MAMDC2: variants seen among roughly 807,000 people sequenced by gnomAD.
MAMDC2 encodes the protein MAM domain-containing protein 2.
A neutral mutation model predicts 89.8 loss-of-function variants in MAMDC2; 57 were observed. The ratio of observed to expected loss-of-function variants is 0.63; its 90% CI spans 0.51 to 0.79. MAMDC2 has a LOEUF of 0.79. Ranked by LOEUF, MAMDC2 falls within the 30% of genes least tolerant of loss-of-function variation. MAMDC2 has a pLI of 0.00. For missense variants in MAMDC2, 800 were observed against 820.6 expected (o/e 0.97, Z 0.31); for synonymous variants, 313 against 293.4 (o/e 1.07, Z -0.68).
At chr9:70,176,450 G>A (rs1224352586) in intron 11 of MAMDC2, among the ~76,000 whole-genome samples, 1 of 152,154 alleles carries the variant, frequency 6.6e-6, no homozygotes, top group African/African-American at 2.4e-5. Context: ...TAGAGTGCAT[G>A]TTATTATATG....
At chr9:70,158,975 T>C (rs1207466355) in intron 9 of MAMDC2, among the ~76,000 whole-genome samples, 1 of 151,964 alleles carries the variant, frequency 6.6e-6, no homozygotes, top group Non-Finnish European at 1.5e-5. Flanking sequence ...CAGTCCATCA[T>C]TGACTGGAAT....
At chr9:70,167,395 A>G (rs1048561057) in intron 9 of MAMDC2, among the ~76,000 whole-genome samples, 10 of 152,344 alleles carry the variant, frequency 6.6e-5, no homozygotes, top group African/African-American at 2.4e-4. Context: ...ATCATCAAAA[A>G]GCAAAAGAAC....
At position 70,100,021 on chromosome 9, in the gene MAMDC2, A is replaced by AGAGAGAGAGAGC. The variant is rs1316783544; in HGVS notation, c.149-8187_149-8186insAGAGAGAGCGAG. Among the ~76,000 whole-genome samples the AGAGAGAGAGAGC allele has an allele frequency of 1.6e-4, 23 of 144,520 alleles. No individual in the cohort carries two copies. In the East Asian group the frequency reaches 1.9e-3, roughly 12 times the overall value. 94.8% of individuals were successfully genotyped at this position (144,520 alleles called of 152,430 possible). A position where few individuals can be genotyped will look rare whatever the true frequency, so the allele number is the denominator to read the frequency against. ...GAGAGAGAGAGAGAGAGAGAGAGAG[A>AGAGAGAGAGAGC]GAGCACAAGCACAATGGGCAGCAGG... On this transcript the variant is annotated intron_variant, in intron 2 of 13. Transcript: ENST00000377182.
chr9:70,091,660 G>C (rs1041579324), intron 2 of MAMDC2, among the ~76,000 whole-genome samples: 22 of 152,206 alleles, frequency 1.4e-4, no homozygotes, highest in Admixed American at 6.5e-5. Context: ...CTCTGAGCCA[G>C]ACCTTCCTGA....
chr9:70,093,107 A>T (rs939487897), intron 2 of MAMDC2, among the ~76,000 whole-genome samples: 1 of 152,142 alleles, frequency 6.6e-6, no homozygotes, highest in African/African-American at 2.4e-5. Context: ...TTATTTATGT[A>T]TCTGTACTAT....
chr9:70,072,310 G>C (rs556611179), intron 2 of MAMDC2, among the ~76,000 whole-genome samples: 3 of 152,178 alleles, frequency 2.0e-5, no homozygotes, highest in African/African-American at 7.2e-5. Context: ...CAGTCCCACT[G>C]TGGGGTGACT....
chr9:70,128,914 C>G (rs1563966830), intron 6 of MAMDC2, among the ~76,000 whole-genome samples: 1 of 152,304 alleles, frequency 6.6e-6, no homozygotes, highest in East Asian at 1.9e-4. Context: ...ACCTCAGGCT[C>G]TCAAAGTGCT....
chr9:70,180,378 C>A (rs1029438221), intron 11 of MAMDC2, among the ~76,000 whole-genome samples: 3 of 152,136 alleles, frequency 2.0e-5, no homozygotes, highest in African/African-American at 7.2e-5. Context: ...GGTATATACC[C>A]AGTAACGGGA....
chr9:70,149,939 C>T (rs1465078836), intron 9 of MAMDC2, among the ~76,000 whole-genome samples: 2 of 152,138 alleles, frequency 1.3e-5, no homozygotes, highest in African/African-American at 4.8e-5. Context: ...GTGTAGTGCC[C>T]CTGCCCAGGT....
chr9:70,085,480 T>A (rs188188420), intron 2 of MAMDC2, among the ~76,000 whole-genome samples: 3 of 152,248 alleles, frequency 2.0e-5, no homozygotes, highest in Admixed American at 2.0e-4. Flanking sequence ...CTGGTAAAAC[T>A]GAATCTTTTT....
intron 11 of MAMDC2, among the ~76,000 whole-genome samples, chr9:70,185,314 G>C (rs1263677227): frequency 6.6e-6 from 1 of 152,216 alleles, no homozygotes; most frequent in Non-Finnish European, 1.5e-5. Flanking sequence ...AGAGGTGTCT[G>C]TCGGTCCCTG....
intron 11 of MAMDC2, among the ~76,000 whole-genome samples, chr9:70,212,923 G>A (rs1280039604): frequency 1.3e-5 from 2 of 152,192 alleles, no homozygotes; most frequent in Non-Finnish European, 2.9e-5. Flanking sequence ...GATGGTTAGA[G>A]GAGGCTGTGC....
Position 70,226,048 on chromosome 9 carries a change from G to A in MAMDC2, c.*16G>A, listed in dbSNP as rs74865126. The stretch of plus-strand genomic sequence containing the variant: ...TGAGTATTAAGAAATGATCTGCATT[G>A]GATTTACTAGACGAAAACCATACCT... On this transcript the variant is annotated 3_prime_UTR_variant, in exon 14 of 14. Coordinates refer to ENST00000377182, the MANE Select transcript of MAMDC2 (RefSeq NM_153267.5). 2,003 of 1,452,328 alleles carry A rather than the reference G, an allele frequency of 1.4e-3. 18 individuals are homozygous for A. In the African/African-American group the frequency reaches 0.016, roughly 12 times the overall value. 90.0% of individuals were successfully genotyped at this position (1,452,328 alleles called of 1,614,324 possible).
chr9:70,149,985 C>T (rs893874870), intron 9 of MAMDC2, among the ~76,000 whole-genome samples: 2 of 152,128 alleles, frequency 1.3e-5, no homozygotes, highest in Non-Finnish European at 2.9e-5. Context: ...GTTCCTGTGA[C>T]CATACAGCTG....
At position 70,108,238 on chromosome 9, in the gene MAMDC2, T is replaced by C; in HGVS notation, c.176T>C (p.Phe59Ser). ...CATTACATTTATGTGGATACCTCCT[T>C]TGGCAAGCAGGGGGAGAAAGCTGTG... Reference protein sequence around the residue: ...EGHYIYVDTSFGKQGEKAVLL... With the variant: ...EGHYIYVDTSSGKQGEKAVLL... Residue 59 changes from phenylalanine (F) to serine (S), a missense_variant, in exon 3 of 14, where the codon TTT becomes TCT. Coordinates refer to ENST00000377182, the MANE Select transcript of MAMDC2 (RefSeq NM_153267.5). 4 of 1,608,704 alleles carry C rather than the reference T, an allele frequency of 2.5e-6. No homozygotes were observed. The highest frequency in any genetic ancestry group is 3.4e-6 in the Non-Finnish European group (4 of 1,177,708).
chr9:70,223,592 G>C (rs2033602422), intron 12 of MAMDC2, among the ~76,000 whole-genome samples: 1 of 152,162 alleles, frequency 6.6e-6, no homozygotes, highest in Non-Finnish European at 1.5e-5. Flanking sequence ...AGTTCACATG[G>C]TGTCTGCTAA....
chr9:70,156,918 T>C (rs2031782688), intron 9 of MAMDC2, among the ~76,000 whole-genome samples: 1 of 152,222 alleles, frequency 6.6e-6, no homozygotes, highest in African/African-American at 2.4e-5. Flanking sequence ...TTAGCACAAC[T>C]GGTAGTTGCT....
intron 2 of MAMDC2, among the ~76,000 whole-genome samples, chr9:70,059,273 T>A (rs1265848531): frequency 1.3e-5 from 2 of 152,152 alleles, no homozygotes; most frequent in Admixed American, 1.3e-4. Context: ...CAATGTCTCT[T>A]GACCCATGGC....
At chr9:70,221,402 G>GAGAGAGAGAGAAAGAGAGAA (rs1564005263) in intron 12 of MAMDC2, among the ~76,000 whole-genome samples, 2 of 104,588 alleles carry the variant, frequency 1.9e-5, no homozygotes, top group African/African-American at 7.4e-5. Context: ...GAGAGAGAGA[G>GAGAGAGAGAGAAAGAGAGAA]AGAGAGTAAC....
Sources: allele counts gnomAD v4.1 joint callset (sites outside exome capture counted in the v4.1 genomes callset), GRCh38; gene constraint gnomAD v4.1.1; transcripts MANE v1.5; gene names NCBI Gene and HGNC (gene_info 2026-07-23, HGNC 2026-07-21).